Variants in FAM8A1 observed in about 807,000 individuals in gnomAD.
FAM8A1 encodes protein FAM8A1.
FAM8A1 carries 18 observed loss-of-function variants against 38.3 expected under a neutral mutation model. The ratio of observed to expected loss-of-function variants is 0.47; its 90% confidence interval spans 0.33 to 0.70. The LOEUF is 0.70. FAM8A1 is among the 30% of genes least tolerant of loss of function. FAM8A1 has a pLI of 0.03. For synonymous variants in FAM8A1, 246 were observed against 234.4 expected, an observed-to-expected ratio of 1.05 and a Z score of -0.45; for missense variants, 559 against 559.6, an observed-to-expected ratio of 1.00 and a Z score of 0.01.
chr6:17,600,912 A>G lies in FAM8A1; in HGVS notation c.503A>G (p.Gln168Arg). Residue 168 changes from glutamine to arginine, a missense_variant, in exon 1 of 5, where the codon CAG becomes CGG. Physicochemically the swap from Gln to Arg is conservative, Grantham distance 43. Around this residue, in one of 2 missense-constraint regions of FAM8A1, gnomAD observed 393 missense variants for 338.9 expected, o/e 1.16. Coordinates refer to ENST00000259963, the MANE Select transcript of FAM8A1 (RefSeq NM_016255.3). ...VPQAAAPPPP[Q>R]LGYYNPFYFL... ...CAGGCCGCGGCGCCGCCGCCCCCGC[A>G]GCTGGGCTATTACAACCCCTTCTAC... 1 of 1,594,910 alleles carries G rather than the reference A, an allele frequency of 6.3e-7. No homozygotes were observed. The highest frequency in any genetic ancestry group is 8.5e-7 in the Non-Finnish European group (1 of 1,173,392).
At position 17,600,517 on chromosome 6, in the gene FAM8A1, C is replaced by T. The variant is rs1216507820; in HGVS notation, c.108C>T (p.Val36=). The change falls in exon 1 of 5, where the codon GTC becomes GTT. Residue 36 remains valine (V), a synonymous_variant. Coordinates refer to ENST00000259963, the MANE Select transcript of FAM8A1 (RefSeq NM_016255.3). ...TGAGAGGCCCTCCTACCACCGCCGTCCCATGCCCCCGCGACGACCCCCAGG... is the reference window on the plus strand; with the variant it reads ...TGAGAGGCCCTCCTACCACCGCCGTTCCATGCCCCCGCGACGACCCCCAGG... ...PSLRGPPTTA[V]PCPRDDPQAE... is the part of the protein sequence containing the mutation. 6.5e-7 allele frequency: 1 copy of T among 1,534,634 alleles called. No individual in the cohort carries two copies. Among genetic ancestry groups the T allele is most frequent in the Non-Finnish European group, 8.7e-7 (1 of 1,145,162 alleles).
rs1274923308 is a variant in FAM8A1, at chr6:17,609,530, T to G, written c.*1191T>G. On this transcript the variant is annotated 3_prime_UTR_variant, in exon 5 of 5. Coordinates refer to ENST00000259963, the MANE Select transcript of FAM8A1 (RefSeq NM_016255.3). ...GGGTCTGCTAAAGTTTGGGGGGAAA[T>G]GTTACGCAAAGTGATACTGTGTATG... The G allele has an allele frequency of 2.0e-5, 3 of 152,144 alleles. No individual in the cohort carries two copies. Among genetic ancestry groups the G allele is most frequent in the African/African-American group, 7.2e-5 (3 of 41,430 alleles). 9.4% of individuals were successfully genotyped at this position (152,144 alleles called of 1,614,324 possible).
Position 17,611,530 on chromosome 6 carries a change from A to G in FAM8A1, c.*3191A>G, listed in dbSNP as rs760822210. On this transcript the variant is annotated 3_prime_UTR_variant, in exon 5 of 5. Coordinates refer to ENST00000259963, the MANE Select transcript of FAM8A1 (RefSeq NM_016255.3). ...TACCACAGGCCACTCTTGACATCCCATGTTTGCCTGGATAAAGTTCCTCAT... is the reference window on the plus strand; with the variant it reads ...TACCACAGGCCACTCTTGACATCCCGTGTTTGCCTGGATAAAGTTCCTCAT... 1.3e-5 allele frequency: 2 copies of G among 152,606 alleles called. No homozygotes were observed. The highest frequency in any genetic ancestry group is 1.3e-4 in the Admixed American group (2 of 15,278). The allele number at this position is 152,606 out of a possible 1,614,324, so 9.5% of individuals were successfully genotyped here.
chr6:17,604,854 C>T, intron 2 of FAM8A1, 52 bp from the exon 3 acceptor site: 5 of 1,453,438 alleles, frequency 3.4e-6, no homozygotes, highest in Non-Finnish European at 4.6e-6. Context: ...AAAGTCAGTG[C>T]TACTGTTCTG....
intron 3 of FAM8A1, 55 bp from the exon 4 acceptor site, chr6:17,605,819 C>T: frequency 7.0e-7 from 1 of 1,429,310 alleles, no homozygotes; most frequent in Admixed American, 2.5e-5. Context: ...AAAAGTTTAT[C>T]TTTAAAATTG....
rs1409643922 is a variant in FAM8A1 at position 17,610,077 on chromosome 6, A to T, written c.*1738A>T. On this transcript the variant is annotated 3_prime_UTR_variant, in exon 5 of 5. Transcript: ENST00000259963. ...GATTGTGTTACTGCCCTTCACAGTGAAAAAAAGAAAAATCTTTCATTTTTA... is the reference window on the plus strand; with the variant it reads ...GATTGTGTTACTGCCCTTCACAGTGTAAAAAAGAAAAATCTTTCATTTTTA... 1 of 152,112 alleles carries T rather than the reference A, an allele frequency of 6.6e-6. No homozygotes were observed. Among genetic ancestry groups the T allele is most frequent in the Non-Finnish European group, 1.5e-5 (1 of 67,982 alleles). The allele number at this position is 152,112 out of a possible 1,614,324, so 9.4% of individuals were successfully genotyped here.
intron 1 of FAM8A1, among the ~76,000 whole-genome samples, chr6:17,601,354 A>C (rs150965252): frequency 9.6e-4 from 146 of 152,292 alleles, no homozygotes; most frequent in African/African-American, 3.0e-3. Context: ...TCCCTTACTC[A>C]TGGGACTAGT....
chr6:17,601,047 T>C lies in FAM8A1; in HGVS notation c.638T>C (p.Val213Ala), dbSNP rs1763978779. 1.3e-6 allele frequency: 2 copies of C among 1,594,338 alleles called. No homozygotes were observed. Among genetic ancestry groups the C allele is most frequent in the Admixed American group, 1.8e-5 (1 of 57,040 alleles). ...GPRAPHVQAS[V>A]RATPVTRVGS... ...CGGGCTCCTCACGTGCAGGCGTCGG[T>C]CCGGGCCACTCCAGTGACGAGGGTA... Residue 213 changes from valine to alanine, a missense_variant, in exon 1 of 5, where the codon GTC (valine) becomes GCC (alanine). By Grantham distance (64) the Val-to-Ala change is moderately conservative. Around this residue, in one of 2 missense-constraint regions of FAM8A1, gnomAD observed 393 missense variants for 338.9 expected, o/e 1.16. Coordinates refer to ENST00000259963, the MANE Select transcript of FAM8A1 (RefSeq NM_016255.3).
At position 17,610,415 on chromosome 6, in the gene FAM8A1, G is replaced by A. The variant is rs1256599723; in HGVS notation, c.*2076G>A. The A allele has an allele frequency of 6.6e-6, 1 of 151,954 alleles. No homozygotes were observed. Among genetic ancestry groups the A allele is most frequent in the Non-Finnish European group, 1.5e-5 (1 of 67,956 alleles). The allele number at this position is 151,954 out of a possible 1,614,324, so 9.4% of individuals were successfully genotyped here. The stretch of plus-strand genomic sequence containing the variant: ...TTCAGTCAGATCCAACCATGGATTC[G>A]AGGTATTATACTGTATAACCCTACA... On this transcript the variant is annotated 3_prime_UTR_variant, in exon 5 of 5. Transcript: ENST00000259963.
chr6:17,606,735 A>G (rs528208445), intron 4 of FAM8A1, among the ~76,000 whole-genome samples: 1 of 152,176 alleles, frequency 6.6e-6, no homozygotes, highest in East Asian at 1.9e-4. Context: ...GTTAGGTGAG[A>G]GCTTGTAATA....
At chr6:17,602,542 T>C (rs1320304906) in intron 1 of FAM8A1, 48 bp from the exon 2 acceptor site, 1 of 1,481,232 alleles carries the variant, frequency 6.8e-7, no homozygotes, top group Non-Finnish European at 8.9e-7. Context: ...CCAAGGCTTA[T>C]GTGAAATGAT....
intron 2 of FAM8A1, among the ~76,000 whole-genome samples, chr6:17,602,947 A>G (rs1223143053): frequency 6.6e-6 from 1 of 152,254 alleles, no homozygotes; most frequent in African/African-American, 2.4e-5. Context: ...CCTATCAAAA[A>G]TAGGTAAAAA....
intron 4 of FAM8A1, among the ~76,000 whole-genome samples, chr6:17,607,642 C>T (rs1455328368): frequency 6.6e-6 from 1 of 152,106 alleles, no homozygotes; most frequent in Non-Finnish European, 1.5e-5. Context: ...CACTCCTAGC[C>T]ACTGTACTTT....
intron 2 of FAM8A1, 107 bp downstream of exon 2, chr6:17,602,817 A>C (rs975003714): frequency 1.9e-6 from 2 of 1,039,222 alleles, no homozygotes; most frequent in Non-Finnish European, 2.7e-6. Flanking sequence ...TGGGCTTGTC[A>C]GTGTCATGAT....
chr6:17,605,670 T>A (rs1317379789), intron 3 of FAM8A1, among the ~76,000 whole-genome samples: 1 of 152,194 alleles, frequency 6.6e-6, no homozygotes, highest in Non-Finnish European at 1.5e-5. Flanking sequence ...CATAGAGAAA[T>A]ATTACAGGAG....
chr6:17,601,085 C>G lies in FAM8A1; in HGVS notation c.676C>G (p.Pro226Ala), dbSNP rs941332080. 6.3e-7 allele frequency: 1 copy of G among 1,598,966 alleles called. No homozygotes were observed. Residue 226 changes from proline (P) to alanine (A), a missense_variant, in exon 1 of 5, where the codon CCT (proline) becomes GCT (alanine). Physicochemically the swap from Pro to Ala is conservative, Grantham distance 27. Transcript: ENST00000259963. ...AGTGACGAGGGTAGGATCCGCAGCCCCTTCGCGAAGCCCGAGCGAGACCGG... is the reference window on the plus strand; with the variant it reads ...AGTGACGAGGGTAGGATCCGCAGCCGCTTCGCGAAGCCCGAGCGAGACCGG... ...TPVTRVGSAA[P>A]SRSPSETGRQ... is the part of the protein sequence containing the mutation.
Position 17,600,946 on chromosome 6 carries a change from C to T in FAM8A1, c.537C>T (p.Ser179=), listed in dbSNP as rs752066931. ...ATTACAACCCCTTCTACTTCCTGAG[C>T]CCCGGGGCCGCGGGGCCTGACCCGC... The part of the protein sequence containing the change: ...LGYYNPFYFL[S]PGAAGPDPRT... Residue 179 remains serine, a synonymous_variant, in exon 1 of 5, where the codon AGC becomes AGT. Coordinates refer to ENST00000259963, the MANE Select transcript of FAM8A1 (RefSeq NM_016255.3). The T allele has an allele frequency of 1.9e-6, 3 of 1,592,512 alleles. No homozygotes were observed. The highest frequency in any genetic ancestry group is 1.1e-5 in the South Asian group (1 of 89,554).
chr6:17,603,015 T>C (rs2113745145), intron 2 of FAM8A1, among the ~76,000 whole-genome samples: 1 of 152,380 alleles, frequency 6.6e-6, no homozygotes, highest in Middle Eastern at 3.4e-3. Context: ...GGAACTAATT[T>C]ACCTCTCACT....
intron 1 of FAM8A1, among the ~76,000 whole-genome samples, chr6:17,601,509 A>C (rs1215658708): frequency 6.6e-6 from 1 of 152,200 alleles, no homozygotes; most frequent in Non-Finnish European, 1.5e-5. Context: ...TTATTCAGAC[A>C]TTGGCTACTT....
Sources: allele counts gnomAD v4.1 joint callset (sites outside exome capture counted in the v4.1 genomes callset), GRCh38; gene constraint gnomAD v4.1.1; regional missense constraint gnomAD v4.1.1; transcripts MANE v1.5; gene names NCBI Gene and HGNC (gene_info 2026-07-23, HGNC 2026-07-21).